Variants in HPSE2 observed in about 807,000 individuals in gnomAD.
HPSE2 encodes the protein heparanase 2 (inactive), also known as inactive heparanase-2.
HPSE2 carries 38 observed loss-of-function variants against 60.5 expected under a neutral mutation model. That is an observed-to-expected ratio of 0.63 (90% confidence interval 0.48 to 0.82). The LOEUF (loss-of-function observed/expected upper bound fraction) is 0.82, where lower values mean the gene tolerates loss of function less well. Among genes scored for constraint, HPSE2 ranks in the 40% least tolerant of loss-of-function variants. The pLI is 0.00. For missense variants in HPSE2, 713 were observed against 740.4 expected, an observed-to-expected ratio of 0.96 and a Z score of 0.43; for synonymous variants, 295 against 293.2, an observed-to-expected ratio of 1.01 and a Z score of -0.06.
intron 2 of HPSE2, among the ~76,000 whole-genome samples, chr10:99,211,821 A>G (rs1467013266): frequency 6.6e-6 from 1 of 152,130 alleles, no homozygotes; most frequent in Non-Finnish European, 1.5e-5. Flanking sequence ...TTGGATATGA[A>G]CAGGCAACAA....
chr10:99,011,599 T>C (rs1957017110), intron 3 of HPSE2, among the ~76,000 whole-genome samples: 1 of 151,496 alleles, frequency 6.6e-6, no homozygotes, highest in South Asian at 2.1e-4. Flanking sequence ...CTACTAAAAA[T>C]ACAAAAATTA....
intron 6 of HPSE2, among the ~76,000 whole-genome samples, chr10:98,666,157 T>G (rs113959759): frequency 1.3e-5 from 2 of 152,114 alleles, no homozygotes; most frequent in African/African-American, 4.8e-5. Flanking sequence ...AAAACAGACT[T>G]TAAGTCAACA....
chr10:98,826,216 G>C (rs1951544065), intron 3 of HPSE2, among the ~76,000 whole-genome samples: 1 of 152,210 alleles, frequency 6.6e-6, no homozygotes, highest in South Asian at 2.1e-4. Context: ...GTACATAGCA[G>C]ATGCTCAATA....
chr10:98,475,507 C>T (rs1940972448), intron 11 of HPSE2, among the ~76,000 whole-genome samples: 1 of 152,070 alleles, frequency 6.6e-6, no homozygotes, highest in Admixed American at 6.6e-5. Context: ...AAAGTAGGAT[C>T]AATAGAACTG....
intron 4 of HPSE2, among the ~76,000 whole-genome samples, chr10:98,732,196 T>C (rs1439031029): frequency 1.3e-5 from 2 of 152,180 alleles, no homozygotes; most frequent in African/African-American, 2.4e-5. Context: ...ATTGTTAAGA[T>C]GGTAATTCTC....
intron 6 of HPSE2, among the ~76,000 whole-genome samples, chr10:98,667,039 GA>G (rs55974722): frequency 6.7e-6 from 1 of 150,328 alleles, no homozygotes; most frequent in African/African-American, 2.4e-5. Flanking sequence ...ATTAACAAAG[GA>G]AAAAAAAAGA....
chr10:98,469,655 G>C (rs1940695020), intron 11 of HPSE2, among the ~76,000 whole-genome samples: 2 of 152,138 alleles, frequency 1.3e-5, no homozygotes, highest in Admixed American at 1.3e-4. Flanking sequence ...CTGCAGTCTG[G>C]GCTTATTATG....
intron 3 of HPSE2, among the ~76,000 whole-genome samples, chr10:98,780,383 G>A (rs1213559903): frequency 6.6e-6 from 1 of 152,130 alleles, no homozygotes; most frequent in Non-Finnish European, 1.5e-5. Context: ...GTACTTAAAT[G>A]TTTATATTTT....
In HPSE2 at chr10:98,561,791, C is replaced by T. The variant is rs199895104; in HGVS notation, c.1320+53113G>A. Among the ~76,000 whole-genome samples the T allele has an allele frequency of 5.3e-4, 81 of 152,240 alleles. 1 individual carries two copies. In the East Asian group the frequency reaches 0.011, roughly 20 times the overall value. ...TGAACCCAGGAGGCGGAGTTTGCAG[C>T]GAGCTGAGATCGTGCCACTGCACTG... On this transcript the variant is annotated intron_variant, in intron 9 of 11. Coordinates refer to ENST00000370552, the MANE Select transcript of HPSE2 (RefSeq NM_021828.5).
At chr10:98,893,228 T>C (rs903006139) in intron 3 of HPSE2, among the ~76,000 whole-genome samples, 33 of 151,948 alleles carry the variant, frequency 2.2e-4, no homozygotes, top group African/African-American at 7.3e-4. Context: ...CTACCACACC[T>C]GGCTAATTTT....
intron 3 of HPSE2, among the ~76,000 whole-genome samples, chr10:98,803,795 G>T (rs1362587129): frequency 4.0e-5 from 6 of 151,072 alleles, no homozygotes; most frequent in African/African-American, 1.5e-4. Flanking sequence ...GGATTGACTT[G>T]GCGATGCGGG....
the HPSE2 span, among the ~76,000 whole-genome samples, chr10:99,290,061 G>A: frequency 2.0e-5 from 3 of 151,958 alleles, no homozygotes; most frequent in East Asian, 1.9e-4. Flanking sequence ...TCCCCTCCCC[G>A]CCCACTTATA....
intron 9 of HPSE2, among the ~76,000 whole-genome samples, chr10:98,500,857 C>T (rs758920044): frequency 6.6e-6 from 1 of 151,940 alleles, no homozygotes; most frequent in Non-Finnish European, 1.5e-5. Flanking sequence ...AGAAATGAAA[C>T]AGGAGATATT....
At chr10:98,565,937 G>A (rs562311676) in intron 9 of HPSE2, among the ~76,000 whole-genome samples, 1 of 152,024 alleles carries the variant, frequency 6.6e-6, no homozygotes, top group African/African-American at 2.4e-5. Flanking sequence ...ATCAGCCAAG[G>A]CTCTACAGCC....
chr10:98,762,050 T>A (rs1187841048), intron 3 of HPSE2, among the ~76,000 whole-genome samples: 1 of 150,074 alleles, frequency 6.7e-6, no homozygotes, highest in East Asian at 2.0e-4. Flanking sequence ...TTTCTTTTCT[T>A]CTCATTTCTC....
At chr10:99,315,820 C>T in the HPSE2 span, among the ~76,000 whole-genome samples, 1 of 152,204 alleles carries the variant, frequency 6.6e-6, no homozygotes, top group African/African-American at 2.4e-5. Flanking sequence ...AGCATCTTCA[C>T]AGACACGTTC....
intron 3 of HPSE2, among the ~76,000 whole-genome samples, chr10:98,877,442 C>A (rs1952907869): frequency 1.3e-5 from 2 of 151,888 alleles, no homozygotes; most frequent in Admixed American, 1.3e-4. Flanking sequence ...AGCTCCATTG[C>A]TTCTCAGCTG....
chr10:99,294,200 T>C, the HPSE2 span, among the ~76,000 whole-genome samples: 1 of 151,678 alleles, frequency 6.6e-6, no homozygotes, highest in Non-Finnish European at 1.5e-5. Flanking sequence ...TGGTAAAGAG[T>C]GCAGACTTGA....
chr10:98,959,403 GGCT>G (rs748113111), intron 3 of HPSE2, among the ~76,000 whole-genome samples: 76 of 149,722 alleles, frequency 5.1e-4, no homozygotes, highest in Non-Finnish European at 8.6e-4. Context: ...GAGGCCCAGT[GGCT>G]GCTGATGTCC....
Sources: allele counts gnomAD v4.1 joint callset (sites outside exome capture counted in the v4.1 genomes callset), GRCh38; gene constraint gnomAD v4.1.1; transcripts MANE v1.5; gene names NCBI Gene and HGNC (gene_info 2026-07-23, HGNC 2026-07-21).